The following RBFOX1 variants were observed in gnomAD, a reference collection of about 807,000 sequenced individuals.
RBFOX1 encodes the protein RNA binding fox-1 homolog 1.
A neutral mutation model predicts 57.7 loss-of-function variants in RBFOX1; 8 were observed. The observed-to-expected ratio is 0.14, with a 90% CI of 0.08 to 0.25. The LOEUF (loss-of-function observed/expected upper bound fraction) is 0.25, where lower values mean the gene tolerates loss of function less well. Ranked by LOEUF, RBFOX1 falls within the 10% of genes least tolerant of loss-of-function variation. The pLI is 1.00. For synonymous variants in RBFOX1, 326 were observed against 222.4 expected (o/e 1.47, Z -4.15); for missense variants, 611 against 548.5 (o/e 1.11, Z -1.14).
intron 2 of RBFOX1, among the ~76,000 whole-genome samples, chr16:5,543,785 G>C (rs998602803): frequency 1.3e-5 from 2 of 152,038 alleles, no homozygotes; most frequent in African/African-American, 4.8e-5. Flanking sequence ...GCATCCAGAG[G>C]GAAAAACAAG....
chr16:5,518,688 C>T (rs1260717904), intron 2 of RBFOX1, among the ~76,000 whole-genome samples: 4 of 152,162 alleles, frequency 2.6e-5, no homozygotes, highest in Admixed American at 1.3e-4. Context: ...TCCAGGGGTG[C>T]AACTCTAGGG....
At chr16:5,925,569 A>C (rs1342254491) in intron 4 of RBFOX1, among the ~76,000 whole-genome samples, 1 of 152,216 alleles carries the variant, frequency 6.6e-6, no homozygotes, top group African/African-American at 2.4e-5. Context: ...GGTAGTGGTG[A>C]TGGTTGCATA....
intron 1 of RBFOX1, among the ~76,000 whole-genome samples, chr16:5,365,192 G>A (rs948356821): frequency 2.6e-5 from 4 of 152,226 alleles, no homozygotes; most frequent in Middle Eastern, 6.8e-3. Flanking sequence ...AGGTCCGCCT[G>A]TTCCCATTTC....
rs546390159 is a variant in RBFOX1, at chr16:6,657,415, G to A, written c.-16+2765G>A. ...ACGCTAATGATCCCTGAGGGACGGC[G>A]TGCCCCTCACCCCAGCAGAACAGCT... On this transcript the variant is annotated intron_variant, in intron 3 of 15. Transcript: ENST00000550418. Among the ~76,000 whole-genome samples, 329 of 152,090 alleles carry A rather than the reference G, an allele frequency of 2.2e-3. 2 individuals are homozygous for A. Among genetic ancestry groups the A allele is most frequent in the African/African-American group, 7.4e-3 (307 of 41,510 alleles).
intron 2 of RBFOX1, among the ~76,000 whole-genome samples, chr16:5,566,332 C>T (rs79530993): frequency 0.015 from 2,258 of 152,098 alleles, 77 homozygotes; most frequent in African/African-American, 0.052. Flanking sequence ...GAAGATAGAC[C>T]GTTGATGTAT....
intron 3 of RBFOX1, among the ~76,000 whole-genome samples, chr16:6,685,442 A>ATTTTTTTTTTTTTT (rs71145275): frequency 1.6e-5 from 2 of 125,668 alleles, no homozygotes; most frequent in Non-Finnish European, 3.2e-5. Context: ...TACCCAGCTA[A>ATTTTTTTTTTTTTT]TTTTTTTTTT....
intron 4 of RBFOX1, among the ~76,000 whole-genome samples, chr16:7,395,128 G>C (rs1292042820): frequency 6.6e-6 from 1 of 151,716 alleles, no homozygotes; most frequent in African/African-American, 2.4e-5. Flanking sequence ...CTGTAGCTAA[G>C]AACTGCTGAC....
chr16:6,533,806 A>G (rs1460821420), intron 2 of RBFOX1, among the ~76,000 whole-genome samples: 2 of 152,166 alleles, frequency 1.3e-5, no homozygotes, highest in Non-Finnish European at 1.5e-5. Flanking sequence ...CTGCCTTTGA[A>G]AACTGAGCAT....
chr16:7,096,343 C>T (rs576900008), intron 4 of RBFOX1, among the ~76,000 whole-genome samples: 6 of 152,116 alleles, frequency 3.9e-5, no homozygotes, highest in Admixed American at 6.6e-5. Flanking sequence ...ATCATCTCAC[C>T]ATGTCATGGA....
At chr16:6,619,590 G>T (rs1305362214) in intron 2 of RBFOX1, among the ~76,000 whole-genome samples, 4 of 151,632 alleles carry the variant, frequency 2.6e-5, no homozygotes, top group Admixed American at 1.3e-4. Flanking sequence ...TGAAACCTAT[G>T]CGTCTAAGGG....
At chr16:7,218,943 C>T (rs550960530) in intron 4 of RBFOX1, among the ~76,000 whole-genome samples, 4 of 152,190 alleles carry the variant, frequency 2.6e-5, no homozygotes, top group East Asian at 3.9e-4. Context: ...GGCATATGGT[C>T]TGTGCCTAGC....
chr16:6,271,085 A>G (rs1460643074), intron 1 of RBFOX1, among the ~76,000 whole-genome samples: 2 of 152,224 alleles, frequency 1.3e-5, no homozygotes, highest in African/African-American at 4.8e-5. Context: ...ACATTAGAGA[A>G]GAGGAAAAGC....
intron 4 of RBFOX1, among the ~76,000 whole-genome samples, chr16:7,262,523 A>G (rs2153074348): frequency 6.6e-6 from 1 of 152,384 alleles, no homozygotes; most frequent in East Asian, 1.9e-4. Flanking sequence ...AATGAGCCAC[A>G]TTTGCAGGCA....
intron 4 of RBFOX1, among the ~76,000 whole-genome samples, chr16:7,485,251 G>C (rs778729407): frequency 6.6e-5 from 10 of 152,146 alleles, no homozygotes; most frequent in Non-Finnish European, 1.0e-4. Flanking sequence ...TGCACACACA[G>C]CTGCACCCTC....
At chr16:7,166,873 C>T (rs1046326646) in intron 4 of RBFOX1, among the ~76,000 whole-genome samples, 4 of 150,400 alleles carry the variant, frequency 2.7e-5, no homozygotes, top group Non-Finnish European at 4.4e-5. Flanking sequence ...ACGCTGGGGA[C>T]TGCACAGACA....
Position 5,626,698 on chromosome 16 carries a change from C to T in RBFOX1, c.318+27737C>T, listed in dbSNP as rs182097762. ...AGTTCTAGACAACTGGTTATACTCC[C>T]GTGCTTTGGGAGGAATGAGTTTCCT... On this transcript the variant is annotated intron_variant, in intron 3 of 19. Coordinates refer to the RBFOX1 transcript ENST00000641259. Among the ~76,000 whole-genome samples the T allele has an allele frequency of 1.5e-3, 235 of 152,182 alleles. 1 individual carries two copies. Among genetic ancestry groups the T allele is most frequent in the African/African-American group, 5.1e-3 (211 of 41,544 alleles).
intron 2 of RBFOX1, among the ~76,000 whole-genome samples, chr16:5,473,476 T>G (rs1266621316): frequency 2.0e-5 from 3 of 152,158 alleles, no homozygotes; most frequent in Non-Finnish European, 2.9e-5. Context: ...CACCTTTTTA[T>G]TCCATTCCCA....
At chr16:6,444,602 C>G (rs902704380) in intron 2 of RBFOX1, among the ~76,000 whole-genome samples, 2 of 152,158 alleles carry the variant, frequency 1.3e-5, no homozygotes, top group Admixed American at 1.3e-4. Context: ...TGAGGCCTCC[C>G]CAGCCATGTG....
intron 1 of RBFOX1, among the ~76,000 whole-genome samples, chr16:5,275,548 A>G (rs11642393): frequency 0.099 from 15,085 of 152,248 alleles, 989 homozygotes; most frequent in Middle Eastern, 0.17. Context: ...GACACAAACA[A>G]ATGGAAACAC....
Sources: gnomAD v4.1 joint callset for allele counts (sites outside exome capture counted in the v4.1 genomes callset) on GRCh38, gnomAD v4.1.1 for gene constraint, MANE v1.5 for transcripts, NCBI Gene and HGNC (gene_info 2026-07-23, HGNC 2026-07-21) for gene names.